The following PTK2 variants were observed in gnomAD, a reference collection of about 807,000 sequenced individuals.
PTK2 encodes the protein focal adhesion kinase 1.
PTK2 carries 45 observed loss-of-function variants against 150.1 expected under a neutral mutation model. The ratio of observed to expected loss-of-function variants is 0.30; its 90% CI spans 0.24 to 0.38. The LOEUF is 0.38. PTK2 is among the 10% of genes least tolerant of loss of function. The pLI, the probability that PTK2 is intolerant of heterozygous loss-of-function variation, is 1.00. For synonymous variants in PTK2, 432 were observed against 449.2 expected, an observed-to-expected ratio of 0.96 and a Z score of 0.48; for missense variants, 919 against 1,307.3, an observed-to-expected ratio of 0.70 and a Z score of 4.58.
chr8:140,842,848 C>T (rs1364190224), intron 7 of PTK2, among the ~76,000 whole-genome samples: 1 of 152,124 alleles, frequency 6.6e-6, no homozygotes, highest in African/African-American at 2.4e-5. Flanking sequence ...AAATATCACA[C>T]ATATAAATTA....
intron 2 of PTK2, among the ~76,000 whole-genome samples, chr8:140,912,259 AAC>A (rs1350146453): frequency 7.2e-5 from 11 of 151,900 alleles, no homozygotes; most frequent in African/African-American, 2.4e-4. Context: ...AGAAAAAAAA[AAC>A]AAAAAAACAA....
intron 1 of PTK2, among the ~76,000 whole-genome samples, chr8:140,970,361 C>T (rs998829172): frequency 2.0e-5 from 3 of 152,226 alleles, no homozygotes; most frequent in Non-Finnish European, 2.9e-5. Flanking sequence ...ATCAGTTAAG[C>T]GAATAAAAAT....
At chr8:140,691,888 AAGATTT>A (rs2100023419) in intron 26 of PTK2, among the ~76,000 whole-genome samples, 1 of 152,236 alleles carries the variant, frequency 6.6e-6, no homozygotes, top group African/African-American at 2.4e-5. Flanking sequence ...TTGACTTAGA[AAGATTT>A]AGTTGCTTGG....
chr8:140,970,203 T>G (rs943610149), intron 1 of PTK2, among the ~76,000 whole-genome samples: 2 of 152,228 alleles, frequency 1.3e-5, no homozygotes, highest in Non-Finnish European at 2.9e-5. Flanking sequence ...TTCCTGGACC[T>G]TCAATTCTCC....
At chr8:140,956,369 T>C (rs1193344660) in intron 1 of PTK2, among the ~76,000 whole-genome samples, 1 of 152,160 alleles carries the variant, frequency 6.6e-6, no homozygotes. Flanking sequence ...GGGGAAATAA[T>C]ACATTACTCA....
chr8:140,922,175 C>T (rs951054779), intron 2 of PTK2, among the ~76,000 whole-genome samples: 1 of 151,942 alleles, frequency 6.6e-6, no homozygotes, highest in African/African-American at 2.4e-5. Context: ...CCAGTGATGC[C>T]CCAGGACAGT....
intron 26 of PTK2, among the ~76,000 whole-genome samples, chr8:140,695,176 G>A (rs1256923140): frequency 6.6e-6 from 1 of 152,052 alleles, no homozygotes; most frequent in Non-Finnish European, 1.5e-5. Context: ...GTTATTTTTG[G>A]TGACACCAAT....
At chr8:140,676,522 C>A (rs561884035) in intron 27 of PTK2, among the ~76,000 whole-genome samples, 159 of 148,106 alleles carry the variant, frequency 1.1e-3, no homozygotes, top group Non-Finnish European at 1.9e-3. Context: ...TGCATGTTCT[C>A]ATAAGTTGGA....
At chr8:140,722,816 TG>T (rs1452225249) in intron 22 of PTK2, among the ~76,000 whole-genome samples, 17 of 152,292 alleles carry the variant, frequency 1.1e-4, no homozygotes, top group Middle Eastern at 3.4e-3. Context: ...GAAAAAAAAT[TG>T]GGGAAAACAA....
chr8:140,844,432 T>TTAAA (rs71308990), intron 7 of PTK2, among the ~76,000 whole-genome samples: 63,371 of 151,606 alleles, frequency 0.42, 14,811 homozygotes, highest in Non-Finnish European at 0.54. Flanking sequence ...CACTGCTCCT[T>TTAAA]TATTTATTTA....
At chr8:140,790,199 A>C (rs2100087653) in intron 13 of PTK2, among the ~76,000 whole-genome samples, 1 of 152,246 alleles carries the variant, frequency 6.6e-6, no homozygotes, top group African/African-American at 2.4e-5. Flanking sequence ...TTTAGATGTC[A>C]AAGTTACCTG....
chr8:140,719,278 G>A (rs578157775), intron 22 of PTK2, among the ~76,000 whole-genome samples: 2 of 152,202 alleles, frequency 1.3e-5, no homozygotes, highest in Non-Finnish European at 2.9e-5. Flanking sequence ...TCTTGCTCCA[G>A]TTAGATGATC....
rs573397411 is a variant in PTK2 at position 140,675,567 on chromosome 8, C to T, written c.2563-68G>A. The stretch of plus-strand genomic sequence containing the variant: ...CTTGGGCAATGACCTCTCTCACCCA[C>T]CCTGTCTATCCACCCCCTTGAACTT... On this transcript the variant is annotated intron_variant, in intron 27 of 31. Transcript: ENST00000522684. 1.3e-4 allele frequency: 145 copies of T among 1,159,636 alleles called. No individual in the cohort carries two copies. In the East Asian group the frequency reaches 3.3e-3, roughly 26 times the overall value. 71.8% of individuals were successfully genotyped at this position (1,159,636 alleles called of 1,614,324 possible). A position where few individuals can be genotyped will look rare whatever the true frequency, so the allele number is the denominator to read the frequency against.
At chr8:140,867,391 T>G (rs1011839000) in intron 4 of PTK2, among the ~76,000 whole-genome samples, 1 of 152,176 alleles carries the variant, frequency 6.6e-6, no homozygotes, top group African/African-American at 2.4e-5. Context: ...CACAGCTATT[T>G]AGAGGTAGGC....
rs1159847714 is a variant in PTK2, at chr8:140,879,692, A to AC, written c.196-56_196-55insG. 174 of 1,270,016 alleles carry AC rather than the reference A, an allele frequency of 1.4e-4. 2 individuals carry two copies. Among genetic ancestry groups the AC allele is most frequent in the Non-Finnish European group, 1.7e-4 (167 of 981,888 alleles). The allele number at this position is 1,270,016 out of a possible 1,614,324, so 78.7% of individuals were successfully genotyped here. Reference sequence around the variant, plus strand: ...TTATAAACTGAAAAAAAAAAAAAAAAAAAAAAAAACCAAAACAAAACAAAA... The same window carrying AC: ...TTATAAACTGAAAAAAAAAAAAAAAACAAAAAAAAACCAAAACAAAACAAAA... On this transcript the variant is annotated intron_variant, in intron 3 of 31. Transcript: ENST00000522684.
At chr8:140,827,332 C>T (rs1311298857) in intron 8 of PTK2, among the ~76,000 whole-genome samples, 1 of 151,918 alleles carries the variant, frequency 6.6e-6, no homozygotes, top group Non-Finnish European at 1.5e-5. Flanking sequence ...AGGGTGTGAG[C>T]CCTCTCTGGC....
At chr8:140,805,437 T>C (rs1310873676) in intron 10 of PTK2, among the ~76,000 whole-genome samples, 1 of 151,638 alleles carries the variant, frequency 6.6e-6, no homozygotes, top group Non-Finnish European at 1.5e-5. Context: ...CATGTGCCTG[T>C]AATTGCAGCT....
chr8:141,000,087 T>A (rs924935637), intron 1 of PTK2, among the ~76,000 whole-genome samples: 86 of 81,634 alleles, frequency 1.1e-3, no homozygotes, highest in African/African-American at 5.4e-3. Context: ...TGAAACCAAT[T>A]CACACACACA....
At chr8:140,815,679 T>C (rs2100104299) in intron 10 of PTK2, among the ~76,000 whole-genome samples, 1 of 152,074 alleles carries the variant, frequency 6.6e-6, no homozygotes, top group African/African-American at 2.4e-5. Flanking sequence ...ATCTCACAAA[T>C]AGTTGCAAAA....
Sources: allele counts gnomAD v4.1 joint callset (sites outside exome capture counted in the v4.1 genomes callset), GRCh38; gene constraint gnomAD v4.1.1; transcripts MANE v1.5; gene names NCBI Gene and HGNC (gene_info 2026-07-23, HGNC 2026-07-21).